The following RABGAP1L variants were observed in gnomAD, a reference collection of about 807,000 sequenced individuals.
RABGAP1L encodes the protein rab GTPase-activating protein 1-like.
Under a neutral mutation model 137.7 loss-of-function variants are expected in RABGAP1L, and 63 were observed. That is an observed-to-expected ratio of 0.46 (90% CI 0.37 to 0.56). The LOEUF (loss-of-function observed/expected upper bound fraction) is 0.56, where lower values mean the gene tolerates loss of function less well. Among genes scored for constraint, RABGAP1L ranks in the 20% least tolerant of loss-of-function variants. RABGAP1L has a pLI of 0.00. For missense variants in RABGAP1L, 1,095 were observed against 1,244.0 expected (o/e 0.88, Z 1.80); for synonymous variants, 431 against 433.7 (o/e 0.99, Z 0.08).
intron 24 of RABGAP1L, among the ~76,000 whole-genome samples, chr1:174,986,549 G>T (rs1671606687): frequency 1.3e-5 from 2 of 152,200 alleles, no homozygotes; most frequent in African/African-American, 4.8e-5. Flanking sequence ...ATTTTAGCAG[G>T]TCTGCCAGAC....
rs750236967 is a variant in RABGAP1L at position 174,271,581 on chromosome 1, G to A, written c.987-833G>A. Among the ~76,000 whole-genome samples, 7 of 152,118 alleles carry A rather than the reference G, an allele frequency of 4.6e-5. No individual in the cohort carries two copies. The South Asian group carries it at 8.3e-4, about 18-fold the overall frequency. ...CAGATTACATTGCTTCTCAAGTTAC[G>A]AGACCTATAATATAGCAGTATGAAT... On this transcript the variant is annotated intron_variant, in intron 7 of 25. Transcript: ENST00000681986.
intron 13 of RABGAP1L, among the ~76,000 whole-genome samples, chr1:174,584,213 C>T (rs529724636): frequency 6.6e-6 from 1 of 152,270 alleles, no homozygotes; most frequent in East Asian, 1.9e-4. Flanking sequence ...CATCTCAATA[C>T]AGGATTAAAT....
chr1:174,554,825 T>C (rs181706439), intron 13 of RABGAP1L, among the ~76,000 whole-genome samples: 24 of 152,298 alleles, frequency 1.6e-4, no homozygotes, highest in Admixed American at 1.4e-3. Flanking sequence ...TTAAATTTAG[T>C]TGGTGACATA....
intron 17 of RABGAP1L, among the ~76,000 whole-genome samples, chr1:174,737,300 A>G (rs1040192455): frequency 3.3e-5 from 5 of 152,114 alleles, no homozygotes; most frequent in Admixed American, 6.6e-5. Flanking sequence ...TCCACCAGAT[A>G]CCCTGTTATC....
At chr1:174,469,793 A>G (rs1657704718) in intron 13 of RABGAP1L, among the ~76,000 whole-genome samples, 1 of 152,148 alleles carries the variant, frequency 6.6e-6, no homozygotes, top group South Asian at 2.1e-4. Context: ...TCACTAGACC[A>G]ATATTGAAAG....
intron 13 of RABGAP1L, among the ~76,000 whole-genome samples, chr1:174,573,003 C>G (rs1017922551): frequency 6.7e-6 from 1 of 150,096 alleles, no homozygotes; most frequent in African/African-American, 2.5e-5. Context: ...AGGGATTAAT[C>G]GACTTTGCCA....
chr1:174,486,451 A>G (rs781005380), intron 13 of RABGAP1L, among the ~76,000 whole-genome samples: 38 of 149,236 alleles, frequency 2.5e-4, no homozygotes, highest in Non-Finnish European at 4.6e-4. Flanking sequence ...GGTTCGTGCC[A>G]TTCTCCTGCC....
Position 174,231,174 on chromosome 1 carries a change from G to C in RABGAP1L, c.361G>C (p.Gly121Arg). The C allele has an allele frequency of 6.2e-7, 1 of 1,613,070 alleles. No individual in the cohort carries two copies. The highest frequency in any genetic ancestry group is 8.5e-7 in the Non-Finnish European group (1 of 1,179,558). The change falls in exon 4 of 26, where the codon GGT becomes CGT. Residue 121 changes from glycine (G) to arginine (R), a missense_variant. Transcript: ENST00000681986. ...EISTPRPSSP[G>R]GLPEEDSVLF... ...TTCTACACCCAGACCATCTTCTCCA[G>C]GTGGACTACCTGAAGAAGATAGTGT...
At chr1:174,267,115 A>G (rs1479859026) in intron 7 of RABGAP1L, among the ~76,000 whole-genome samples, 3 of 152,178 alleles carry the variant, frequency 2.0e-5, no homozygotes, top group South Asian at 2.1e-4. Context: ...AAAAATTCCA[A>G]TCAGTTTTGC....
chr1:174,913,890 T>A (rs1660440250), intron 19 of RABGAP1L, among the ~76,000 whole-genome samples: 1 of 152,178 alleles, frequency 6.6e-6, no homozygotes, highest in South Asian at 2.1e-4. Context: ...ATTCTAAAAC[T>A]TTAATAACTT....
At chr1:174,987,465 C>T (rs1193134281) in intron 24 of RABGAP1L, among the ~76,000 whole-genome samples, 1 of 151,974 alleles carries the variant, frequency 6.6e-6, no homozygotes, top group African/African-American at 2.4e-5. Flanking sequence ...GCACCTGGCC[C>T]AAGAGGAAGA....
At chr1:174,468,551 C>T (rs891541117) in intron 13 of RABGAP1L, among the ~76,000 whole-genome samples, 3 of 152,150 alleles carry the variant, frequency 2.0e-5, no homozygotes, top group Admixed American at 6.5e-5. Context: ...TAAAATTAAA[C>T]ACTTTCCATA....
rs570939468 is a variant in RABGAP1L, at chr1:174,173,054, AGAT to A, written c.-34+13398_-34+13400del. On this transcript the variant is annotated intron_variant, in intron 1 of 25. Coordinates refer to ENST00000681986, the MANE Select transcript of RABGAP1L (RefSeq NM_001366446.1). ...CATTCTTTAAATGTCAGTTGCACTT[AGAT>A]TGAATATAAATATATAATTATCTGA... Among the ~76,000 whole-genome samples the A allele has an allele frequency of 2.0e-3, 306 of 152,180 alleles. 1 individual carries two copies. Among genetic ancestry groups the A allele is most frequent in the Non-Finnish European group, 3.7e-3 (250 of 68,022 alleles).
At chr1:174,900,705 A>T (rs952886472) in intron 19 of RABGAP1L, among the ~76,000 whole-genome samples, 2 of 152,068 alleles carry the variant, frequency 1.3e-5, no homozygotes, top group Admixed American at 1.3e-4. Flanking sequence ...TTTTTAGTAG[A>T]GACAGGGTTT....
intron 13 of RABGAP1L, among the ~76,000 whole-genome samples, chr1:174,547,526 A>T (rs1456442384): frequency 6.6e-6 from 1 of 152,310 alleles, no homozygotes; most frequent in East Asian, 1.9e-4. Flanking sequence ...CTGAGGTGGG[A>T]AAATCACCTG....
At chr1:174,366,669 G>A (rs1165030849) in intron 11 of RABGAP1L, among the ~76,000 whole-genome samples, 1 of 151,486 alleles carries the variant, frequency 6.6e-6, no homozygotes, top group Non-Finnish European at 1.5e-5. Context: ...CAGCTACTTC[G>A]GAGGCTGAGA....
chr1:174,564,703 G>T (rs1159176033), intron 13 of RABGAP1L, among the ~76,000 whole-genome samples: 1 of 152,208 alleles, frequency 6.6e-6, no homozygotes, highest in Admixed American at 6.5e-5. Context: ...CAGCCCAAGT[G>T]CCTTGGAAAG....
chr1:174,601,973 T>C (rs928638143), intron 13 of RABGAP1L, among the ~76,000 whole-genome samples: 1 of 152,146 alleles, frequency 6.6e-6, no homozygotes, highest in African/African-American at 2.4e-5. Context: ...CTGGACCTTA[T>C]TGTCCATATC....
chr1:174,542,029 A>G (rs1043550744), intron 13 of RABGAP1L, among the ~76,000 whole-genome samples: 7 of 152,230 alleles, frequency 4.6e-5, no homozygotes, highest in Non-Finnish European at 8.8e-5. Context: ...ATCAATGTTC[A>G]TCAGGGATAT....
Sources: gnomAD v4.1 joint callset for allele counts (sites outside exome capture counted in the v4.1 genomes callset) on GRCh38, gnomAD v4.1.1 for gene constraint, MANE v1.5 for transcripts, NCBI Gene and HGNC (gene_info 2026-07-23, HGNC 2026-07-21) for gene names.